MTUS2: variants seen among roughly 807,000 people sequenced by gnomAD.
MTUS2 encodes the protein microtubule-associated tumor suppressor candidate 2.
MTUS2 carries 40 observed loss-of-function variants against 114.1 expected under a neutral mutation model. The observed-to-expected ratio is 0.35, with a 90% CI of 0.27 to 0.46. MTUS2 has a LOEUF of 0.46. Among genes scored for constraint, MTUS2 ranks in the 20% least tolerant of loss-of-function variants. The probability of loss-of-function intolerance (pLI) is 1.00; values close to 1 mark genes in which losing one functional copy is unlikely to be tolerated. For missense variants in MTUS2, 1,679 were observed against 1,705.4 expected, an observed-to-expected ratio of 0.98 and a Z score of 0.27; for synonymous variants, 688 against 672.0, an observed-to-expected ratio of 1.02 and a Z score of -0.37.
chr13:28,966,010 A>G (rs925299370), intron 2 of MTUS2, among the ~76,000 whole-genome samples: 4 of 152,258 alleles, frequency 2.6e-5, no homozygotes, highest in African/African-American at 7.2e-5. Context: ...CTGGCTAACT[A>G]AACAGTGCTC....
intron 2 of MTUS2, among the ~76,000 whole-genome samples, chr13:28,917,075 A>C (rs936847774): frequency 1.3e-5 from 2 of 151,778 alleles, no homozygotes; most frequent in Non-Finnish European, 3.0e-5. Context: ...ACATTGATTC[A>C]CTTAGGTCGA....
chr13:29,423,178 G>A (rs1272055855), intron 8 of MTUS2, among the ~76,000 whole-genome samples: 1 of 152,180 alleles, frequency 6.6e-6, no homozygotes, highest in Non-Finnish European at 1.5e-5. Flanking sequence ...AAAGCTCCAA[G>A]AGAAGGAGCT....
chr13:29,314,042 TAAAA>T, intron 6 of MTUS2, among the ~76,000 whole-genome samples: 1 of 150,844 alleles, frequency 6.6e-6, no homozygotes, highest in South Asian at 2.1e-4. Context: ...TTCAGGAACT[TAAAA>T]AAAAATGTGC....
chr13:29,250,624 C>G (rs938407534), intron 5 of MTUS2: 1 of 151,848 alleles, frequency 6.6e-6, no homozygotes, highest in Non-Finnish European at 1.5e-5. Context: ...TTTTTGTCCA[C>G]TCTCCGCATT....
chr13:29,439,185 A>G (rs1877644940), intron 8 of MTUS2, among the ~76,000 whole-genome samples: 4 of 152,244 alleles, frequency 2.6e-5, no homozygotes, highest in Admixed American at 1.3e-4. Flanking sequence ...AAGAGAATTT[A>G]TATAGCACAT....
At chr13:29,431,091 G>A (rs2138640369) in intron 8 of MTUS2, among the ~76,000 whole-genome samples, 1 of 152,268 alleles carries the variant, frequency 6.6e-6, no homozygotes, top group East Asian at 1.9e-4. Flanking sequence ...AAGCTGTTCT[G>A]AAAAACATGG....
intron 8 of MTUS2, among the ~76,000 whole-genome samples, chr13:29,424,364 CAAAGAA>C (rs1347272599): frequency 2.0e-5 from 3 of 151,850 alleles, no homozygotes; most frequent in African/African-American, 7.3e-5. Flanking sequence ...AAATGTATAT[CAAAGAA>C]GTCACCCCAG....
At chr13:29,343,705 T>TG (rs35260778) in intron 7 of MTUS2, among the ~76,000 whole-genome samples, 29,431 of 101,592 alleles carry the variant, frequency 0.29, 2,970 homozygotes, top group Non-Finnish European at 0.39. Flanking sequence ...CAGTTTGGTT[T>TG]GTTTTGTTTC....
At chr13:29,161,821 G>C (rs1456670220) in intron 5 of MTUS2, among the ~76,000 whole-genome samples, 1 of 152,196 alleles carries the variant, frequency 6.6e-6, no homozygotes, top group Admixed American at 6.5e-5. Flanking sequence ...TGTGTTTTCT[G>C]TGTGTGGCCT....
At chr13:29,105,012 A>C (rs1338687375) in intron 5 of MTUS2, among the ~76,000 whole-genome samples, 1 of 152,198 alleles carries the variant, frequency 6.6e-6, no homozygotes, top group Non-Finnish European at 1.5e-5. Context: ...CAAATCAGAA[A>C]ATCTGAAATT....
At chr13:29,034,260 G>GCATC in intron 4 of MTUS2, 135 bp downstream of exon 4, 15 of 1,170,682 alleles carry the variant, frequency 1.3e-5, no homozygotes, top group South Asian at 1.5e-5. Flanking sequence ...CCATATGTCT[G>GCATC]TAGATGCAGA....
chr13:28,946,099 A>G (rs1182276041), intron 2 of MTUS2, among the ~76,000 whole-genome samples: 1 of 152,224 alleles, frequency 6.6e-6, no homozygotes, highest in East Asian at 1.9e-4. Context: ...TAATATAACA[A>G]TGGTAATCTG....
Position 29,100,812 on chromosome 13 carries a change from C to T in MTUS2, c.2486C>T (p.Ser829Phe). ...KKASSSNAAK[S>F]NLPKSGLRPP... is the part of the protein sequence containing the mutation. Reference sequence around the variant, plus strand: ...GCTTCCAGTTCAAATGCTGCAAAATCCAATCTCCCGAAATCTGGTCTCCGT... The same window carrying T: ...GCTTCCAGTTCAAATGCTGCAAAATTCAATCTCCCGAAATCTGGTCTCCGT... Residue 829 changes from serine (S) to phenylalanine (F), a missense_variant, in exon 5 of 16, where the codon TCC becomes TTC. Coordinates refer to ENST00000612955, the MANE Select transcript of MTUS2 (RefSeq NM_001033602.4). 1 of 1,551,630 alleles carries T rather than the reference C, an allele frequency of 6.4e-7. No homozygotes were observed. Among genetic ancestry groups the T allele is most frequent in the Non-Finnish European group, 8.7e-7 (1 of 1,146,994 alleles).
intron 9 of MTUS2, among the ~76,000 whole-genome samples, chr13:29,443,276 A>C (rs1301866198): frequency 1.3e-5 from 2 of 152,226 alleles, no homozygotes; most frequent in Admixed American, 1.3e-4. Flanking sequence ...ATTTCTCCCT[A>C]GAGAGACTTC....
At chr13:29,297,517 C>A (rs2992394) in intron 6 of MTUS2, among the ~76,000 whole-genome samples, 3 of 152,152 alleles carry the variant, frequency 2.0e-5, no homozygotes, top group African/African-American at 7.2e-5. Context: ...GCCTTTAAAA[C>A]CTATAGACCT....
intron 5 of MTUS2, among the ~76,000 whole-genome samples, chr13:29,264,904 G>T (rs2139478368): frequency 6.6e-6 from 1 of 152,334 alleles, no homozygotes; most frequent in East Asian, 1.9e-4. Flanking sequence ...CCATTGCCTT[G>T]GATATTAGCA....
rs762462020 is a variant in MTUS2 at position 29,480,372 on chromosome 13, T to G, written c.3399+8T>G. On this transcript the variant is annotated splice_region_variant and intron_variant, in intron 10 of 15. Transcript: ENST00000612955. The surrounding 1 kb of genome is among the most constrained non-coding windows in gnomAD (Gnocchi z 4.4). ...TGTCAACACCAGGAGCAGGTCAGTC[T>G]GCAGTGCGGCTCGAGCTCTGCTGTT... 18 of 1,512,498 alleles carry G rather than the reference T, an allele frequency of 1.2e-5. No individual in the cohort carries two copies. Among genetic ancestry groups the G allele is most frequent in the Admixed American group, 6.3e-5 (3 of 47,342 alleles). 93.7% of individuals were successfully genotyped at this position (1,512,498 alleles called of 1,614,324 possible).
intron 4 of MTUS2, among the ~76,000 whole-genome samples, chr13:29,077,853 C>T (rs2146139): frequency 0.58 from 87,469 of 151,994 alleles, 25,450 homozygotes; most frequent in Non-Finnish European, 0.61. Context: ...AAACTTAAAA[C>T]GCTATGATTT....
At chr13:29,136,257 TA>T (rs1891973514) in intron 5 of MTUS2, among the ~76,000 whole-genome samples, 2 of 152,224 alleles carry the variant, frequency 1.3e-5, no homozygotes, top group Non-Finnish European at 2.9e-5. Flanking sequence ...TCCTCACTTT[TA>T]AAGGACAGTT....
Sources: gnomAD v4.1 joint callset for allele counts (sites outside exome capture counted in the v4.1 genomes callset) on GRCh38, gnomAD v4.1.1 for gene constraint, Gnocchi (gnomAD v3.1) non-coding constraint, MANE v1.5 for transcripts, NCBI Gene and HGNC (gene_info 2026-07-23, HGNC 2026-07-21) for gene names.